Variants in FRYL observed in about 807,000 individuals in gnomAD.
FRYL encodes the protein protein furry homolog-like.
FRYL carries 150 observed loss-of-function variants against 351.2 expected under a neutral mutation model. The observed-to-expected ratio is 0.43, with a 90% CI of 0.37 to 0.49. FRYL has a LOEUF of 0.49. Among genes scored for constraint, FRYL ranks in the 20% least tolerant of loss-of-function variants. The pLI is 0.00. For synonymous variants in FRYL, 1,153 were observed against 1,257.1 expected (o/e 0.92, Z 1.75); for missense variants, 3,036 against 3,619.3 (o/e 0.84, Z 4.13).
intron 1 of FRYL, among the ~76,000 whole-genome samples, chr4:48,734,878 C>G (rs540797208): frequency 1.3e-5 from 2 of 152,190 alleles, no homozygotes; most frequent in Non-Finnish European, 2.9e-5. Flanking sequence ...TAGAAGAAAA[C>G]CTAGGCATTA....
At chr4:48,504,531 G>A (rs1004638091) in intron 60 of FRYL, among the ~76,000 whole-genome samples, 4 of 152,100 alleles carry the variant, frequency 2.6e-5, no homozygotes, top group Admixed American at 2.0e-4. Context: ...AAGGATTCTG[G>A]TCTAGGGTTA....
rs777893986 is a variant in FRYL, at chr4:48,540,382, T to C, written c.6266A>G (p.His2089Arg). ...LLSKLISVSK[H>R]TLVDPSQLSG... ...CAATTGGGAAGGATCCACCAATGTA[T>C]GTTTGGAGACAGAAATGAGTTTACT... The change falls in exon 46 of 64, where the codon CAT becomes CGT. Residue 2089 changes from histidine (H) to arginine (R), a missense_variant. Physicochemically the swap from His to Arg is conservative, Grantham distance 29. Transcript: ENST00000358350. 7 of 1,613,692 alleles carry C rather than the reference T, an allele frequency of 4.3e-6. No individual in the cohort carries two copies. In the African/African-American group the frequency reaches 8.0e-5, roughly 18 times the overall value.
chr4:48,648,166 T>C (rs1447750952), intron 3 of FRYL, among the ~76,000 whole-genome samples: 1 of 152,100 alleles, frequency 6.6e-6, no homozygotes, highest in Non-Finnish European at 1.5e-5. Flanking sequence ...TCACATATAG[T>C]CTCTTTCAAT....
intron 2 of FRYL, among the ~76,000 whole-genome samples, chr4:48,702,285 G>C (rs1298888764): frequency 6.6e-6 from 1 of 150,642 alleles, no homozygotes; most frequent in Non-Finnish European, 1.5e-5. Context: ...GTGAAACCCT[G>C]TCTCTGCTAA....
At chr4:48,758,389 A>ACCCC in intron 1 of FRYL, among the ~76,000 whole-genome samples, 1 of 152,338 alleles carries the variant, frequency 6.6e-6, no homozygotes, top group African/African-American at 2.4e-5. Context: ...TACAAGAAAA[A>ACCCC]ATCAAACAAC....
chr4:48,697,550 G>T (rs1766315440), intron 2 of FRYL, among the ~76,000 whole-genome samples: 1 of 152,162 alleles, frequency 6.6e-6, no homozygotes, highest in African/African-American at 2.4e-5. Flanking sequence ...CGGTGTCTCA[G>T]CTTACTGCAA....
At chr4:48,692,238 T>C (rs1405215138) in intron 2 of FRYL, among the ~76,000 whole-genome samples, 1 of 152,178 alleles carries the variant, frequency 6.6e-6, no homozygotes, top group African/African-American at 2.4e-5. Context: ...TTTCTTACTA[T>C]GGGCCTAAAT....
intron 7 of FRYL, among the ~76,000 whole-genome samples, chr4:48,616,732 T>C (rs1294181957): frequency 6.6e-6 from 1 of 152,168 alleles, no homozygotes; most frequent in Non-Finnish European, 1.5e-5. Flanking sequence ...ATAAGGAATA[T>C]TTTACTCGTC....
At chr4:48,592,114 A>ATATATATATATATATT (rs1272210127) in intron 16 of FRYL, among the ~76,000 whole-genome samples, 17 of 136,938 alleles carry the variant, frequency 1.2e-4, no homozygotes, top group African/African-American at 4.7e-4. Flanking sequence ...ATATATATAT[A>ATATATATATATATATT]TTTTATCTAA....
At chr4:48,601,733 GAATT>G (rs796359137) in intron 13 of FRYL, among the ~76,000 whole-genome samples, 18 of 152,054 alleles carry the variant, frequency 1.2e-4, no homozygotes, top group African/African-American at 4.3e-4. Flanking sequence ...AATTCTAAAA[GAATT>G]AACAAATATT....
At chr4:48,649,840 A>G (rs934255110) in intron 3 of FRYL, among the ~76,000 whole-genome samples, 1 of 152,208 alleles carries the variant, frequency 6.6e-6, no homozygotes, top group African/African-American at 2.4e-5. Flanking sequence ...ACTAATATAA[A>G]AAGTAGCATT....
At chr4:48,668,675 C>G (rs1272036945) in intron 3 of FRYL, among the ~76,000 whole-genome samples, 1 of 152,236 alleles carries the variant, frequency 6.6e-6, no homozygotes, top group East Asian at 1.9e-4. Flanking sequence ...AACCCACTAT[C>G]TGGTAAAAAG....
intron 1 of FRYL, among the ~76,000 whole-genome samples, chr4:48,735,870 T>C (rs1771305755): frequency 9.2e-6 from 1 of 108,654 alleles, no homozygotes; most frequent in Admixed American, 1.0e-4. Flanking sequence ...TACCTAATGC[T>C]AGATGACACA....
chr4:48,573,141 G>T, intron 26 of FRYL, 45 bp downstream of exon 26: 2 of 1,452,198 alleles, frequency 1.4e-6, no homozygotes, highest in Non-Finnish European at 1.9e-6. Flanking sequence ...AAATATGGCA[G>T]AAAAATGAAT....
At chr4:48,547,059 TGAAA>T (rs1731516221) in intron 41 of FRYL, among the ~76,000 whole-genome samples, 1 of 152,078 alleles carries the variant, frequency 6.6e-6, no homozygotes, top group Admixed American at 6.5e-5. Context: ...TACTGATGAA[TGAAA>T]GAAATGTTAG....
chr4:48,646,949 A>C (rs918279018), intron 3 of FRYL, among the ~76,000 whole-genome samples: 2 of 152,192 alleles, frequency 1.3e-5, no homozygotes, highest in African/African-American at 4.8e-5. Flanking sequence ...GTCTATGAAC[A>C]GGAAATATAT....
intron 2 of FRYL, among the ~76,000 whole-genome samples, chr4:48,705,915 C>A (rs527382485): frequency 1.6e-4 from 25 of 152,210 alleles, no homozygotes; most frequent in Non-Finnish European, 3.2e-4. Context: ...CAGTTTACTG[C>A]AACCTCTACC....
At chr4:48,750,483 G>C (rs1245270779) in intron 1 of FRYL, among the ~76,000 whole-genome samples, 6 of 151,846 alleles carry the variant, frequency 4.0e-5, no homozygotes, top group African/African-American at 1.5e-4. Flanking sequence ...AATAAAAAAA[G>C]AAATAAAAGA....
At chr4:48,536,521 A>C (rs74384770) in intron 47 of FRYL, among the ~76,000 whole-genome samples, 1 of 152,220 alleles carries the variant, frequency 6.6e-6, no homozygotes, top group East Asian at 1.9e-4. Flanking sequence ...GAACCAACTA[A>C]TGTTTGGGGG....
Sources: gnomAD v4.1 joint callset for allele counts (sites outside exome capture counted in the v4.1 genomes callset) on GRCh38, gnomAD v4.1.1 for gene constraint, MANE v1.5 for transcripts, NCBI Gene and HGNC (gene_info 2026-07-23, HGNC 2026-07-21) for gene names.